EXD1: variants seen among roughly 807,000 people sequenced by gnomAD.
EXD1 encodes the protein piRNA biogenesis protein EXD1.
A neutral mutation model predicts 49.1 loss-of-function variants in EXD1; 63 were observed. The ratio of observed to expected loss-of-function variants is 1.28; its 90% CI spans 1.05 to 1.58. The LOEUF (loss-of-function observed/expected upper bound fraction) is 1.58. EXD1 is among the 40% of genes most tolerant of loss of function. EXD1 has a pLI of 0.00. For missense variants in EXD1, 748 were observed against 666.0 expected, an observed-to-expected ratio of 1.12 and a Z score of -1.36; for synonymous variants, 234 against 239.2, an observed-to-expected ratio of 0.98 and a Z score of 0.20.
chr15:41,226,366 C>T, intron 2 of EXD1, 77 bp downstream of exon 2: 3 of 1,361,454 alleles, frequency 2.2e-6, no homozygotes, highest in Non-Finnish European at 2.0e-6. Flanking sequence ...GCCACCCTCC[C>T]AATCACTAAT....
intron 6 of EXD1, among the ~76,000 whole-genome samples, chr15:41,212,032 CA>C (rs140685226): frequency 0.16 from 24,353 of 151,896 alleles, 3,560 homozygotes; most frequent in African/African-American, 0.39. Context: ...CTAGTAAGCT[CA>C]TGGAAACATT....
chr15:41,216,635 A>T (rs1427019280), intron 5 of EXD1, 33 bp downstream of exon 5: 1 of 1,581,696 alleles, frequency 6.3e-7, no homozygotes, highest in Admixed American at 2.0e-5. Flanking sequence ...CCATCTCAAA[A>T]AAAAAAAGAA....
chr15:41,213,179 ATTATT>A (rs1300988722), intron 6 of EXD1, among the ~76,000 whole-genome samples: 3 of 151,782 alleles, frequency 2.0e-5, no homozygotes, highest in South Asian at 4.1e-4. Context: ...TACATATTTT[ATTATT>A]TTATTTATTT....
Position 41,230,735 on chromosome 15 carries a change from C to G in EXD1, c.-310G>C, listed in dbSNP as rs918947469. ...ACACGCCGCAGAGGCGACGCCCGCC[C>G]GGCCCAACGTCCAGTCTCGTCTGTT... is the stretch of plus-strand genomic sequence containing the variant. On this transcript the variant is annotated 5_prime_UTR_variant, in exon 1 of 12. Transcript: ENST00000458580. 24 of 606,862 alleles carry G rather than the reference C, an allele frequency of 4.0e-5. No individual in the cohort carries two copies. Among genetic ancestry groups the G allele is most frequent in the Non-Finnish European group, 5.7e-5 (20 of 352,140 alleles). The allele number at this position is 606,862 out of a possible 1,614,324, so 37.6% of individuals were successfully genotyped here. A position where few individuals can be genotyped will look rare whatever the true frequency, so the allele number is the denominator to read the frequency against.
Position 41,216,805 on chromosome 15 carries a change from C to T in EXD1, c.261-10G>A, listed in dbSNP as rs1177154562. On this transcript the variant is annotated splice_polypyrimidine_tract_variant and intron_variant, in intron 4 of 11. Coordinates refer to ENST00000458580, the MANE Select transcript of EXD1 (RefSeq NM_001286441.2). The stretch of plus-strand genomic sequence containing the variant: ...TCTTTCTGCATGTAGACTATCCTTA[C>T]AAGAAACAATATTTGGGTGAACTTG... 3 of 1,610,596 alleles carry T rather than the reference C, an allele frequency of 1.9e-6. No homozygotes were observed. Among genetic ancestry groups the T allele is most frequent in the Non-Finnish European group, 2.5e-6 (3 of 1,179,374 alleles).
At chr15:41,210,378 G>A (rs140362490) in intron 6 of EXD1, among the ~76,000 whole-genome samples, 66 of 152,170 alleles carry the variant, frequency 4.3e-4, no homozygotes, top group African/African-American at 1.5e-3. Flanking sequence ...TTAAAGCCTC[G>A]GATTCACTGA....
At chr15:41,202,542 T>C (rs1424065948) in intron 7 of EXD1, among the ~76,000 whole-genome samples, 1 of 151,882 alleles carries the variant, frequency 6.6e-6, no homozygotes, top group African/African-American at 2.4e-5. Context: ...CAGCCATAGC[T>C]TATTGCAGGC....
In EXD1 at chr15:41,226,514, G is replaced by A. The variant is rs1008039208; in HGVS notation, c.62C>T (p.Thr21Ile). 5 of 1,536,098 alleles carry A rather than the reference G, an allele frequency of 3.3e-6. No homozygotes were observed. Among genetic ancestry groups the A allele is most frequent in the Non-Finnish European group, 4.4e-6 (5 of 1,146,902 alleles). ...SQILWKRVKL[T>I]LVCGVFEGVL... ...ACCCTCGAAGACACCACAGACCAAT[G>A]TGAGTTTCACCCTCTTCCACAAAAT... Residue 21 changes from threonine (T) to isoleucine (I), a missense_variant, in exon 2 of 12, where the codon ACA becomes ATA. Physicochemically the swap from Thr to Ile is moderately conservative, Grantham distance 89. Coordinates refer to ENST00000458580, the MANE Select transcript of EXD1 (RefSeq NM_001286441.2).
At chr15:41,184,636 C>G in intron 11 of EXD1, 43 bp from the exon 12 acceptor site, 1 of 1,478,388 alleles carries the variant, frequency 6.8e-7, no homozygotes, top group Non-Finnish European at 9.1e-7. Context: ...AACTAAACTT[C>G]TGAATATGGT....
chr15:41,206,028 T>A (rs1467277557), intron 7 of EXD1, among the ~76,000 whole-genome samples: 1 of 151,950 alleles, frequency 6.6e-6, no homozygotes, highest in Non-Finnish European at 1.5e-5. Context: ...TCTGTCTTAG[T>A]AAAAAATTGT....
intron 6 of EXD1, 44 bp downstream of exon 6, chr15:41,215,731 C>G: frequency 6.4e-7 from 1 of 1,556,026 alleles, no homozygotes; most frequent in Non-Finnish European, 8.9e-7. Context: ...AGACATGATA[C>G]CTACATACAG....
At chr15:41,194,759 A>G (rs1011462496) in intron 9 of EXD1, among the ~76,000 whole-genome samples, 3 of 152,198 alleles carry the variant, frequency 2.0e-5, no homozygotes, top group Non-Finnish European at 2.9e-5. Context: ...GACAATACGT[A>G]TAAGATCTAA....
chr15:41,196,312 AT>A (rs572843554), intron 7 of EXD1, among the ~76,000 whole-genome samples: 101 of 108,116 alleles, frequency 9.3e-4, no homozygotes, highest in South Asian at 2.0e-3. Flanking sequence ...CGCCCAGCTA[AT>A]TTTTTTTTTT....
At chr15:41,208,930 G>C (rs2046876966) in intron 7 of EXD1, among the ~76,000 whole-genome samples, 1 of 151,854 alleles carries the variant, frequency 6.6e-6, no homozygotes, top group Non-Finnish European at 1.5e-5. Context: ...ACCTCCAGCA[G>C]AGCCCGAGAG....
At chr15:41,213,016 G>A (rs535001756) in intron 6 of EXD1, among the ~76,000 whole-genome samples, 6 of 151,800 alleles carry the variant, frequency 4.0e-5, no homozygotes, top group African/African-American at 1.4e-4. Flanking sequence ...ACTCCAACCT[G>A]GGTGACAGAG....
chr15:41,192,592 GCATTTT>G lies in EXD1; in HGVS notation c.721-1013_721-1008del, dbSNP rs1219460399. Among the ~76,000 whole-genome samples, 169 of 86,206 alleles carry G rather than the reference GCATTTT, an allele frequency of 2.0e-3. 35 individuals carry two copies. The highest frequency in any genetic ancestry group is 0.013 in the East Asian group (32 of 2,556). 56.6% of individuals were successfully genotyped at this position (86,206 alleles called of 152,430 possible). On this transcript the variant is annotated intron_variant, in intron 9 of 11. Coordinates refer to ENST00000458580, the MANE Select transcript of EXD1 (RefSeq NM_001286441.2). Reference sequence around the variant, plus strand: ...TTACAGGCGTGAACCACTGCGCCAGGCATTTTTTTTTTTTTTTTTTTTTTTTTTTTT... The same window carrying G: ...TTACAGGCGTGAACCACTGCGCCAGGTTTTTTTTTTTTTTTTTTTTTTTTT...
chr15:41,195,616 C>G (rs1259824857), intron 9 of EXD1, among the ~76,000 whole-genome samples, 159 bp downstream of exon 9: 1 of 148,956 alleles, frequency 6.7e-6, no homozygotes, highest in African/African-American at 2.5e-5. Context: ...AATGTTCTCA[C>G]ATATTGTACA....
chr15:41,227,185 T>C (rs1325069359), intron 1 of EXD1, among the ~76,000 whole-genome samples: 2 of 152,180 alleles, frequency 1.3e-5, no homozygotes, highest in East Asian at 3.8e-4. Context: ...AGTAGGACAA[T>C]AGTGGTACAT....
chr15:41,230,508 G>T lies in EXD1; in HGVS notation c.-83C>A. The T allele has an allele frequency of 6.2e-7, 1 of 1,614,172 alleles. No homozygotes were observed. Among genetic ancestry groups the T allele is most frequent in the Non-Finnish European group, 8.5e-7 (1 of 1,180,018 alleles). ...AGCTAGGAATTCACTGTCCTCCATC[G>T]TTAGGGCTTTTTCCTCCGAAGGAAG... On this transcript the variant is annotated 5_prime_UTR_variant, in exon 1 of 12. Transcript: ENST00000458580.
Sources: allele counts gnomAD v4.1 joint callset (sites outside exome capture counted in the v4.1 genomes callset), GRCh38; gene constraint gnomAD v4.1.1; transcripts MANE v1.5; gene names NCBI Gene and HGNC (gene_info 2026-07-23, HGNC 2026-07-21).